Variants in TNFSF4 observed in about 807,000 individuals in gnomAD.
The protein encoded by TNFSF4 is TNF superfamily member 4, also known as tumor necrosis factor ligand superfamily member 4.
Under a neutral mutation model 7.3 loss-of-function variants are expected in TNFSF4, and 4 were observed. The ratio of observed to expected loss-of-function variants is 0.55; its 90% CI spans 0.27 to 1.25. The LOEUF (loss-of-function observed/expected upper bound fraction) is 1.25, where lower values mean the gene tolerates loss of function less well. TNFSF4 is among the 50% of genes most tolerant of loss of function. TNFSF4 has a pLI of 0.12. For missense variants in TNFSF4, 181 were observed against 208.8 expected (o/e 0.87, Z 0.82); for synonymous variants, 76 against 83.7 (o/e 0.91, Z 0.50).
At chr1:173,356,849 A>G in the TNFSF4 span, among the ~76,000 whole-genome samples, 1 of 152,210 alleles carries the variant, frequency 6.6e-6, no homozygotes, top group African/African-American at 2.4e-5. Context: ...TGTGGGGGGA[A>G]AAAATGACAT....
the TNFSF4 span, among the ~76,000 whole-genome samples, chr1:173,435,144 G>T: frequency 2.6e-5 from 4 of 152,230 alleles, no homozygotes; most frequent in East Asian, 7.7e-4. Flanking sequence ...GTAAAGCCAA[G>T]TCTTTTGGAC....
chr1:173,325,088 T>C, the TNFSF4 span, among the ~76,000 whole-genome samples: 1 of 152,112 alleles, frequency 6.6e-6, no homozygotes, highest in African/African-American at 2.4e-5. Flanking sequence ...ACCACACCTA[T>C]TCCAAAACTG....
At chr1:173,396,436 G>A in the TNFSF4 span, among the ~76,000 whole-genome samples, 7 of 152,164 alleles carry the variant, frequency 4.6e-5, no homozygotes, top group Admixed American at 3.9e-4. Flanking sequence ...ACTGAGCCTA[G>A]GAGGTCAAGG....
At chr1:173,183,297 G>A (rs1292781197), downstream of TNFSF4, among the ~76,000 whole-genome samples, 1 of 152,108 alleles carries the variant, frequency 6.6e-6, no homozygotes, top group Non-Finnish European at 1.5e-5. Context: ...GTTTTAAGGA[G>A]GACAACGTCA....
At chr1:173,189,205 TTTGG>T (rs1557879063) in intron 1 of TNFSF4, among the ~76,000 whole-genome samples, 3 of 152,152 alleles carry the variant, frequency 2.0e-5, no homozygotes, top group Non-Finnish European at 4.4e-5. Context: ...AATTTCCCAT[TTTGG>T]ATAACGTAGC....
chr1:173,272,832 G>T, the TNFSF4 span, among the ~76,000 whole-genome samples: 1 of 152,078 alleles, frequency 6.6e-6, no homozygotes, highest in African/African-American at 2.4e-5. Flanking sequence ...TGGTAAAACT[G>T]TGTTTCATCT....
At chr1:173,244,135 A>T in the TNFSF4 span, among the ~76,000 whole-genome samples, 2 of 152,256 alleles carry the variant, frequency 1.3e-5, no homozygotes, top group Non-Finnish European at 2.9e-5. Flanking sequence ...TGCATTTGAC[A>T]GAATAAAATT....
the TNFSF4 span, among the ~76,000 whole-genome samples, chr1:173,241,956 G>T: frequency 6.6e-6 from 1 of 152,230 alleles, no homozygotes; most frequent in African/African-American, 2.4e-5. Flanking sequence ...TCTGACAAGA[G>T]TAGGGGAACT....
chr1:173,325,313 C>T, the TNFSF4 span, among the ~76,000 whole-genome samples: 2 of 151,784 alleles, frequency 1.3e-5, no homozygotes, highest in Non-Finnish European at 2.9e-5. Flanking sequence ...TCTTTGAAAC[C>T]AACGAGAACA....
At chr1:173,428,635 G>T in the TNFSF4 span, among the ~76,000 whole-genome samples, 1 of 152,188 alleles carries the variant, frequency 6.6e-6, no homozygotes, top group Non-Finnish European at 1.5e-5. Context: ...AATGTTAGTT[G>T]AATTTATTGT....
chr1:173,282,602 G>C, the TNFSF4 span, among the ~76,000 whole-genome samples: 1 of 151,950 alleles, frequency 6.6e-6, no homozygotes, highest in Non-Finnish European at 1.5e-5. Context: ...GGGATTACAG[G>C]CATGTGCCAC....
the TNFSF4 span, among the ~76,000 whole-genome samples, chr1:173,439,383 G>GA: frequency 6.6e-6 from 1 of 152,126 alleles, no homozygotes. Flanking sequence ...TTCTTCTCCA[G>GA]AATCCCCAAC....
At chr1:173,386,567 T>C in the TNFSF4 span, among the ~76,000 whole-genome samples, 1 of 152,060 alleles carries the variant, frequency 6.6e-6, no homozygotes, top group East Asian at 1.9e-4. Context: ...ACTAGGTCAA[T>C]GTCCAGAGAG....
At chr1:173,221,271 A>C in the TNFSF4 span, among the ~76,000 whole-genome samples, 1 of 152,172 alleles carries the variant, frequency 6.6e-6, no homozygotes, top group African/African-American at 2.4e-5. Context: ...AAGCCATTGG[A>C]AGGTTTCAAT....
the TNFSF4 span, among the ~76,000 whole-genome samples, chr1:173,266,797 C>T: frequency 1.3e-5 from 2 of 152,142 alleles, no homozygotes; most frequent in South Asian, 4.1e-4. Context: ...CATTTAATGT[C>T]TTCCATGTGT....
At chr1:173,432,966 T>C in the TNFSF4 span, among the ~76,000 whole-genome samples, 4 of 152,298 alleles carry the variant, frequency 2.6e-5, no homozygotes, top group East Asian at 7.7e-4. Context: ...GACGGTAAAA[T>C]GTGAAAATAT....
chr1:173,288,536 TG>T, the TNFSF4 span, among the ~76,000 whole-genome samples: 3 of 152,120 alleles, frequency 2.0e-5, no homozygotes, highest in Non-Finnish European at 4.4e-5. Flanking sequence ...TATATAGAAA[TG>T]GTTCCCAATA....
At chr1:173,242,096 C>G in the TNFSF4 span, among the ~76,000 whole-genome samples, 1 of 152,108 alleles carries the variant, frequency 6.6e-6, no homozygotes, top group African/African-American at 2.4e-5. Context: ...ATCATACTTG[C>G]TTGACTTGAA....
At chr1:173,406,767 T>C in the TNFSF4 span, among the ~76,000 whole-genome samples, 1 of 152,176 alleles carries the variant, frequency 6.6e-6, no homozygotes, top group South Asian at 2.1e-4. Flanking sequence ...CTGTCCTGAA[T>C]GAATCGGTCC....
Sources: allele counts gnomAD v4.1 joint callset (sites outside exome capture counted in the v4.1 genomes callset), GRCh38; gene constraint gnomAD v4.1.1; transcripts MANE v1.5; gene names NCBI Gene and HGNC (gene_info 2026-07-23, HGNC 2026-07-21).